The following CADM2 variants were observed in gnomAD, a reference collection of about 807,000 sequenced individuals.
CADM2 encodes the protein cell adhesion molecule 2, also known as immunoglobulin superfamily member 4D.
A neutral mutation model predicts 49.8 loss-of-function variants in CADM2; 12 were observed. The observed-to-expected ratio is 0.24, with a 90% CI of 0.15 to 0.39. CADM2 has a LOEUF of 0.39. CADM2 is among the 10% of genes least tolerant of loss of function. The probability of loss-of-function intolerance (pLI) is 1.00; values close to 1 mark genes in which losing one functional copy is unlikely to be tolerated. For synonymous variants in CADM2, 214 were observed against 175.4 expected (o/e 1.22, Z -1.74); for missense variants, 378 against 492.3 (o/e 0.77, Z 2.20).
intron 1 of CADM2, among the ~76,000 whole-genome samples, chr3:85,166,378 AT>A: frequency 6.6e-6 from 1 of 151,960 alleles, no homozygotes; most frequent in Middle Eastern, 3.4e-3. Context: ...TTATAATGAG[AT>A]TTTAGAAAGC....
intron 2 of CADM2, among the ~76,000 whole-genome samples, chr3:85,728,353 G>A (rs1341047337): frequency 6.6e-6 from 1 of 152,054 alleles, no homozygotes; most frequent in Non-Finnish European, 1.5e-5. Flanking sequence ...CTTTCCGCAT[G>A]CTTATATTTT....
chr3:85,619,794 C>G (rs1433852088), intron 1 of CADM2, among the ~76,000 whole-genome samples: 3 of 152,084 alleles, frequency 2.0e-5, no homozygotes, highest in Non-Finnish European at 2.9e-5. Context: ...AGAAAGAATT[C>G]CACCATCATT....
chr3:85,960,416 T>G (rs1724669988), intron 7 of CADM2, among the ~76,000 whole-genome samples: 1 of 151,888 alleles, frequency 6.6e-6, no homozygotes. Context: ...TAGAAAACTT[T>G]CCATACTAAG....
At chr3:85,333,129 G>A (rs2044981522) in intron 1 of CADM2, among the ~76,000 whole-genome samples, 1 of 151,498 alleles carries the variant, frequency 6.6e-6, no homozygotes, top group South Asian at 2.1e-4. Context: ...TCTTTGCATT[G>A]TACACAGAAT....
intron 1 of CADM2, among the ~76,000 whole-genome samples, chr3:85,365,594 C>G (rs1472848399): frequency 3.3e-5 from 5 of 152,054 alleles, no homozygotes; most frequent in Non-Finnish European, 7.4e-5. Context: ...TATGTCATAT[C>G]ATTAAAATGA....
At chr3:85,956,944 T>C (rs1386598137) in intron 7 of CADM2, among the ~76,000 whole-genome samples, 2 of 151,578 alleles carry the variant, frequency 1.3e-5, no homozygotes, top group African/African-American at 4.8e-5. Context: ...CAAGAAAAGG[T>C]TGCCTCCTAA....
rs749517141 is a variant in CADM2, at chr3:85,079,433, TAGA to T, written c.61+119768_61+119770del. Among the ~76,000 whole-genome samples the T allele has an allele frequency of 5.9e-5, 9 of 151,948 alleles. No individual in the cohort carries two copies. In the East Asian group the frequency reaches 1.4e-3, roughly 23 times the overall value. On this transcript the variant is annotated intron_variant, in intron 1 of 9. Transcript: ENST00000383699. ...GAATGTGCGTTCCTTCCTTTAATTG[TAGA>T]AGGATTACCTAATATTTATGAAACT... is the stretch of plus-strand genomic sequence containing the variant.
intron 1 of CADM2, among the ~76,000 whole-genome samples, chr3:85,266,913 C>T (rs1486327836): frequency 6.6e-6 from 1 of 151,834 alleles, no homozygotes; most frequent in Non-Finnish European, 1.5e-5. Context: ...CAGCAGTCAA[C>T]AGCAGTACTC....
intron 2 of CADM2, among the ~76,000 whole-genome samples, chr3:85,764,838 T>G (rs1270869688): frequency 6.6e-6 from 1 of 152,098 alleles, no homozygotes; most frequent in Non-Finnish European, 1.5e-5. Flanking sequence ...AACAGAGTTG[T>G]AAAGTAGGTT....
At chr3:85,556,853 A>G (rs6549039) in intron 1 of CADM2, among the ~76,000 whole-genome samples, 77,850 of 151,976 alleles carry the variant, frequency 0.51, 23,019 homozygotes, top group East Asian at 0.85. Context: ...AATAATTCAC[A>G]GTGTCAGTGT....
At chr3:85,280,171 A>C (rs1486049426) in intron 1 of CADM2, among the ~76,000 whole-genome samples, 1 of 151,612 alleles carries the variant, frequency 6.6e-6, no homozygotes, top group East Asian at 1.9e-4. Context: ...GTACATTTTT[A>C]CTTCTCCCCT....
At chr3:85,653,623 A>C (rs938862074) in intron 1 of CADM2, among the ~76,000 whole-genome samples, 4 of 152,040 alleles carry the variant, frequency 2.6e-5, no homozygotes, top group African/African-American at 9.7e-5. Flanking sequence ...AAATATCCAA[A>C]TGAAGATGTT....
intron 3 of CADM2, among the ~76,000 whole-genome samples, chr3:85,803,726 C>G (rs1285285610): frequency 6.6e-6 from 1 of 151,878 alleles, no homozygotes; most frequent in Non-Finnish European, 1.5e-5. Flanking sequence ...CTCATAAGGC[C>G]TTCCACTGAT....
chr3:85,988,551 T>G (rs1294283780), intron 8 of CADM2, among the ~76,000 whole-genome samples: 1 of 152,094 alleles, frequency 6.6e-6, no homozygotes, highest in Non-Finnish European at 1.5e-5. Context: ...TTTAAACTAT[T>G]GGAAAAAACC....
intron 2 of CADM2, among the ~76,000 whole-genome samples, chr3:85,791,178 C>G (rs1431997736): frequency 1.3e-5 from 2 of 152,128 alleles, no homozygotes; most frequent in African/African-American, 2.4e-5. Flanking sequence ...AGTTTTTCCT[C>G]TAATTTCCTA....
At chr3:86,000,997 C>G (rs1730125705) in intron 8 of CADM2, among the ~76,000 whole-genome samples, 1 of 151,986 alleles carries the variant, frequency 6.6e-6, no homozygotes, top group African/African-American at 2.4e-5. Context: ...TGAAATAATT[C>G]TAGTGAATGC....
intron 1 of CADM2, among the ~76,000 whole-genome samples, chr3:85,096,344 G>T (rs1480088525): frequency 6.6e-6 from 1 of 151,796 alleles, no homozygotes; most frequent in Non-Finnish European, 1.5e-5. Flanking sequence ...TGAGGTAAAT[G>T]GGTTGATATA....
At chr3:85,579,830 C>A (rs1473813882) in intron 1 of CADM2, among the ~76,000 whole-genome samples, 3 of 151,774 alleles carry the variant, frequency 2.0e-5, no homozygotes, top group Non-Finnish European at 4.4e-5. Context: ...ATGTATATTG[C>A]ATTTATATGT....
intron 1 of CADM2, among the ~76,000 whole-genome samples, chr3:84,999,756 A>G (rs1284617685): frequency 2.0e-5 from 3 of 152,108 alleles, no homozygotes; most frequent in Non-Finnish European, 4.4e-5. Context: ...TTAGGGTTGC[A>G]AAAAAGTTTT....
Sources: allele counts gnomAD v4.1 joint callset (sites outside exome capture counted in the v4.1 genomes callset), GRCh38; gene constraint gnomAD v4.1.1; transcripts MANE v1.5; gene names NCBI Gene and HGNC (gene_info 2026-07-23, HGNC 2026-07-21).